The following MYH15 variants were observed in gnomAD, a reference collection of about 807,000 sequenced individuals.
MYH15 encodes myosin heavy chain 15, also known as myosin-15.
A neutral mutation model predicts 240.5 loss-of-function variants in MYH15; 227 were observed. The observed-to-expected ratio is 0.94, with a 90% confidence interval of 0.85 to 1.05. The LOEUF (loss-of-function observed/expected upper bound fraction) is 1.05. Ranked by LOEUF, MYH15 falls within the 50% of genes least tolerant of loss-of-function variation. The pLI, the probability that MYH15 is intolerant of heterozygous loss-of-function variation, is 0.00. For missense variants in MYH15, 2,217 were observed against 2,247.5 expected (o/e 0.99, Z 0.27); for synonymous variants, 785 against 796.7 (o/e 0.99, Z 0.25).
Position 108,476,503 on chromosome 3 carries a change from GC to G in MYH15, c.1126del (p.Ala376LeufsTer13). 1 of 1,607,160 alleles carries G rather than the reference GC, an allele frequency of 6.2e-7. No individual in the cohort carries two copies. Among genetic ancestry groups the G allele is most frequent in the Non-Finnish European group, 8.5e-7 (1 of 1,173,904 alleles). ...EADGTENADK[A>X]AFLMGINSSE... ...GGAGTTAATGCCCATGAGGAAAGCA[GC>G]TTTGTCAGCATCTGGTCATCAGAAA... On this transcript the variant is annotated frameshift_variant, in exon 12 of 41. Transcript: ENST00000693548. LOFTEE classifies it high-confidence loss of function.
chr3:108,516,516 A>AATCTG (rs1429854046), intron 1 of MYH15, among the ~76,000 whole-genome samples: 1 of 152,214 alleles, frequency 6.6e-6, no homozygotes, highest in Non-Finnish European at 1.5e-5. Flanking sequence ...GAATGCCACA[A>AATCTG]ATCTGGGGAA....
chr3:108,542,133 T>C, the MYH15 span, among the ~76,000 whole-genome samples: 17 of 152,252 alleles, frequency 1.1e-4, no homozygotes, highest in South Asian at 3.3e-3. Context: ...TTTGAGAAGA[T>C]AGTTCTCACA....
At chr3:108,421,437 G>T (rs745473746) in intron 27 of MYH15, among the ~76,000 whole-genome samples, 9 of 152,196 alleles carry the variant, frequency 5.9e-5, no homozygotes, top group Admixed American at 1.3e-4. Flanking sequence ...TAGGTGTCAC[G>T]GGAGACACCC....
intron 27 of MYH15, among the ~76,000 whole-genome samples, chr3:108,426,684 C>A (rs1233019652): frequency 2.0e-5 from 3 of 152,230 alleles, no homozygotes; most frequent in Non-Finnish European, 4.4e-5. Context: ...AGACAGCCCC[C>A]ACTATGGCAG....
At chr3:108,444,605 A>C (rs1452889999) in intron 22 of MYH15, 35 bp downstream of exon 22, 1 of 1,604,856 alleles carries the variant, frequency 6.2e-7, no homozygotes, top group Admixed American at 1.7e-5. Flanking sequence ...CTAATTAAAA[A>C]CTTGATTTAA....
chr3:108,524,437 TG>T (rs2083649970), intron 1 of MYH15, among the ~76,000 whole-genome samples: 1 of 152,076 alleles, frequency 6.6e-6, no homozygotes, highest in South Asian at 2.1e-4. Flanking sequence ...AATTGTTCTT[TG>T]TACATTTTGT....
chr3:108,388,972 G>A lies in MYH15; in HGVS notation c.5533C>T (p.Gln1845Ter), dbSNP rs756008161. 13 of 1,613,128 alleles carry A rather than the reference G, an allele frequency of 8.1e-6. No homozygotes were observed. The highest frequency in any genetic ancestry group is 1.1e-5 in the Non-Finnish European group (13 of 1,179,424). Residue 1845 changes from glutamine (Q) to a stop codon, truncating the protein, a stop_gained and splice_region_variant, in exon 38 of 41, where the codon CAG (glutamine) becomes TAG (stop). Transcript: ENST00000693548. LOFTEE classifies it high-confidence loss of function. ...LERCIKELTY[Q>*]AEEDKKNLSR... Reference sequence around the variant, plus strand: ...CAGGGAATGGTTTCCTGGAGTACCTGATAGGTCAGCTCTTTGATGCATCGC... The same window carrying A: ...CAGGGAATGGTTTCCTGGAGTACCTAATAGGTCAGCTCTTTGATGCATCGC...
chr3:108,501,138 A>G (rs2107237699), intron 3 of MYH15, among the ~76,000 whole-genome samples: 1 of 152,326 alleles, frequency 6.6e-6, no homozygotes, highest in South Asian at 2.1e-4. Context: ...AAAGCTGAGG[A>G]GCAAGCTGGT....
intron 33 of MYH15, among the ~76,000 whole-genome samples, chr3:108,402,679 G>A (rs1400312677): frequency 6.6e-6 from 1 of 152,216 alleles, no homozygotes; most frequent in East Asian, 1.9e-4. Flanking sequence ...ACACCTCTCT[G>A]GGTGTGTCTG....
chr3:108,464,687 T>C lies in MYH15; in HGVS notation c.1682A>G (p.Asp561Gly). 6.2e-7 allele frequency: 1 copy of C among 1,613,728 alleles called. No individual in the cohort carries two copies. Among genetic ancestry groups the C allele is most frequent in the Non-Finnish European group, 8.5e-7 (1 of 1,179,808 alleles). ...KSVHLQKPKP[D>G]KKKFEAHFEL... ...AAAATGAGCTTCAAATTTCTTCTTA[T>C]CAGGCTTGGGCTTCTGGAGATGAAC... Residue 561 changes from aspartate (D) to glycine (G), a missense_variant, in exon 15 of 41, where the codon GAT (aspartate) becomes GGT (glycine). Coordinates refer to ENST00000693548, the MANE Select transcript of MYH15 (RefSeq NM_014981.3).
rs548671557 is a variant in MYH15, at chr3:108,507,848, T to A, written c.89-2019A>T. 2.1e-3 allele frequency among the ~76,000 whole-genome samples: 326 copies of A among 152,338 alleles called. 1 individual carries two copies. The highest frequency in any genetic ancestry group is 6.8e-3 in the Middle Eastern group (2 of 294). On this transcript the variant is annotated intron_variant, in intron 1 of 40. Coordinates refer to ENST00000693548, the MANE Select transcript of MYH15 (RefSeq NM_014981.3). ...AAAACTGATTTTGCTTTGTGTTATG[T>A]CTATGAAAATATGCTTGTTTTTGAA...
At chr3:108,522,201 GA>G (rs1329424993) in intron 1 of MYH15, among the ~76,000 whole-genome samples, 6 of 151,984 alleles carry the variant, frequency 3.9e-5, no homozygotes, top group Admixed American at 3.9e-4. Context: ...GACAGAGGGG[GA>G]CTGTGGTTCT....
At chr3:108,509,363 T>G (rs1445794931) in intron 1 of MYH15, among the ~76,000 whole-genome samples, 1 of 152,214 alleles carries the variant, frequency 6.6e-6, no homozygotes, top group Non-Finnish European at 1.5e-5. Context: ...ATCACTATTA[T>G]CTTGTCCTCC....
chr3:108,475,478 T>C (rs1279670172), intron 12 of MYH15, among the ~76,000 whole-genome samples: 1 of 152,214 alleles, frequency 6.6e-6, no homozygotes, highest in Non-Finnish European at 1.5e-5. Flanking sequence ...TTCTTACCAA[T>C]GGACTGTTAG....
chr3:108,445,850 AGAC>A (rs66909086), intron 21 of MYH15, among the ~76,000 whole-genome samples: 114,671 of 151,586 alleles, frequency 0.76, 43,546 homozygotes, highest in Non-Finnish European at 0.78. Context: ...ATTTGAAAGA[AGAC>A]CAAATAAAAT....
chr3:108,432,947 C>T (rs1231808628), intron 25 of MYH15, among the ~76,000 whole-genome samples: 2 of 152,198 alleles, frequency 1.3e-5, no homozygotes, highest in Admixed American at 1.3e-4. Context: ...CACAGAGTCC[C>T]TGCTGGGGCA....
intron 22 of MYH15, among the ~76,000 whole-genome samples, chr3:108,441,617 G>T (rs1311972302): frequency 6.6e-6 from 1 of 152,200 alleles, no homozygotes; most frequent in Non-Finnish European, 1.5e-5. Flanking sequence ...TAGGCACAGA[G>T]TTTGAGGTTG....
intron 12 of MYH15, 44 bp downstream of exon 12, chr3:108,476,353 T>C (rs767531620): frequency 3.4e-6 from 4 of 1,185,110 alleles, no homozygotes; most frequent in Admixed American, 1.7e-5. Context: ...TATACAATTA[T>C]TGGAAGATCA....
intron 1 of MYH15, among the ~76,000 whole-genome samples, chr3:108,516,286 A>G (rs2107261136): frequency 6.6e-6 from 1 of 152,326 alleles, no homozygotes; most frequent in Non-Finnish European, 1.5e-5. Context: ...AAGTAATAAG[A>G]ACAAATATTA....
Sources: allele counts gnomAD v4.1 joint callset (sites outside exome capture counted in the v4.1 genomes callset), GRCh38; gene constraint gnomAD v4.1.1; transcripts MANE v1.5; gene names NCBI Gene and HGNC (gene_info 2026-07-23, HGNC 2026-07-21).